Variants in FYN observed in about 807,000 individuals in gnomAD.
FYN encodes FYN proto-oncogene, Src family tyrosine kinase.
In FYN, 10 loss-of-function variants were observed where a neutral mutation model predicts 70.2. The ratio of observed to expected loss-of-function variants is 0.14; its 90% confidence interval spans 0.09 to 0.24. The LOEUF is 0.24. Ranked by LOEUF, FYN falls within the 10% of genes least tolerant of loss-of-function variation. The probability of loss-of-function intolerance (pLI) is 1.00; values close to 1 mark genes in which losing one functional copy is unlikely to be tolerated. For synonymous variants in FYN, 236 were observed against 248.6 expected (o/e 0.95, Z 0.48); for missense variants, 319 against 673.1 (o/e 0.47, Z 5.82).
chr6:111,707,145 T>A (rs1800128012), intron 6 of FYN, among the ~76,000 whole-genome samples: 1 of 152,172 alleles, frequency 6.6e-6, no homozygotes, highest in African/African-American at 2.4e-5. Context: ...ACCCAAGGTG[T>A]CAGGAGGAGG....
chr6:111,715,978 A>T (rs1278358310), intron 4 of FYN, among the ~76,000 whole-genome samples: 1 of 152,250 alleles, frequency 6.6e-6, no homozygotes, highest in Non-Finnish European at 1.5e-5. Flanking sequence ...GAAATTCCTG[A>T]TTCATAAATA....
Position 111,873,378 on chromosome 6 carries a change from T to A in FYN, c.-533A>T, listed in dbSNP as rs1197333252. 1 of 151,370 alleles carries A rather than the reference T, an allele frequency of 6.6e-6. No individual in the cohort carries two copies. The highest frequency in any genetic ancestry group is 1.5e-5 in the Non-Finnish European group (1 of 67,784). The allele number at this position is 151,370 out of a possible 1,614,324, so 9.4% of individuals were successfully genotyped here. ...GCCCCCTCCTCGCCGGCTCCGCTCC[T>A]GACAGATGGCGCAACTGCAACGACG... On this transcript the variant is annotated 5_prime_UTR_variant, in exon 1 of 14. Transcript: ENST00000354650.
rs1481967294 is a variant in FYN at position 111,807,136 on chromosome 6, A to G, written c.-81-26501T>C. 2.0e-5 allele frequency among the ~76,000 whole-genome samples: 3 copies of G among 152,164 alleles called. 1 individual carries two copies. Among genetic ancestry groups the G allele is most frequent in the Non-Finnish European group, 4.4e-5 (3 of 68,032 alleles). On this transcript the variant is annotated intron_variant, in intron 2 of 13. Transcript: ENST00000354650. ...CTTATAACAAGGGATCTACTGAGGG[A>G]TTTATTTTAACAGAGGACTTATTTA...
At chr6:111,840,170 C>A (rs1438871707) in intron 2 of FYN, among the ~76,000 whole-genome samples, 1 of 152,106 alleles carries the variant, frequency 6.6e-6, no homozygotes, top group Non-Finnish European at 1.5e-5. Flanking sequence ...TACAGAAATT[C>A]CCAAATTGAG....
At chr6:111,870,845 T>C (rs1399963122) in intron 1 of FYN, among the ~76,000 whole-genome samples, 1 of 152,236 alleles carries the variant, frequency 6.6e-6, no homozygotes, top group Non-Finnish European at 1.5e-5. Flanking sequence ...ATTAAGTCTC[T>C]TAAACTTGGT....
intron 2 of FYN, among the ~76,000 whole-genome samples, chr6:111,789,191 A>G (rs934332056): frequency 6.6e-6 from 1 of 152,224 alleles, no homozygotes; most frequent in African/African-American, 2.4e-5. Context: ...TGCCAGGTCT[A>G]GAGGGGATCA....
intron 3 of FYN, among the ~76,000 whole-genome samples, chr6:111,755,634 T>C (rs1434658907): frequency 6.6e-6 from 1 of 152,204 alleles, no homozygotes; most frequent in African/African-American, 2.4e-5. Context: ...AAACCAAGTC[T>C]CAATGCATTT....
chr6:111,817,094 AATAGATT>A (rs11278917), intron 2 of FYN, among the ~76,000 whole-genome samples: 47,261 of 151,912 alleles, frequency 0.31, 12,021 homozygotes, highest in African/African-American at 0.71. Context: ...GAGTGATTAA[AATAGATT>A]ATAGATTATA....
chr6:111,670,875 T>C (rs1360971582), intron 13 of FYN, among the ~76,000 whole-genome samples: 2 of 152,212 alleles, frequency 1.3e-5, no homozygotes, highest in South Asian at 2.1e-4. Context: ...ACTGATTTTA[T>C]GCATCAACCC....
chr6:111,726,190 C>T (rs1232176904), intron 3 of FYN, among the ~76,000 whole-genome samples: 1 of 152,194 alleles, frequency 6.6e-6, no homozygotes, highest in Non-Finnish European at 1.5e-5. Context: ...GAATCCCCTC[C>T]GTGCCTGGAT....
intron 2 of FYN, among the ~76,000 whole-genome samples, chr6:111,790,247 T>TACACAC (rs61565042): frequency 1.2e-3 from 151 of 125,952 alleles, no homozygotes; most frequent in East Asian, 2.5e-3. Flanking sequence ...GAACCTTAGA[T>TACACAC]ACACACACAC....
intron 9 of FYN, chr6:111,699,858 G>T (rs1338404635): frequency 5.1e-6 from 3 of 587,004 alleles, no homozygotes; most frequent in African/African-American, 3.8e-5. Context: ...TTTATGAATT[G>T]AGAGTCATGT....
At chr6:111,723,787 A>G (rs77675855) in intron 3 of FYN, among the ~76,000 whole-genome samples, 1,713 of 152,336 alleles carry the variant, frequency 0.011, 24 homozygotes, top group African/African-American at 0.037. Context: ...TTTAATGTCC[A>G]ATGCTGTAAG....
chr6:111,758,268 T>C (rs1353047323), intron 3 of FYN, among the ~76,000 whole-genome samples: 1 of 152,200 alleles, frequency 6.6e-6, no homozygotes, highest in Middle Eastern at 3.2e-3. Flanking sequence ...TAAAACAAAG[T>C]AGGATATAAA....
chr6:111,775,687 A>G (rs1770904073), intron 3 of FYN, among the ~76,000 whole-genome samples: 1 of 152,210 alleles, frequency 6.6e-6, no homozygotes, highest in African/African-American at 2.4e-5. Flanking sequence ...TCGTGTGCAT[A>G]AGCACCGCCT....
At chr6:111,741,862 T>C (rs1028702540) in intron 3 of FYN, among the ~76,000 whole-genome samples, 1 of 152,202 alleles carries the variant, frequency 6.6e-6, no homozygotes, top group Non-Finnish European at 1.5e-5. Context: ...ACATCAAGCC[T>C]AAGTCCTGCG....
intron 12 of FYN, among the ~76,000 whole-genome samples, chr6:111,684,508 C>A (rs1364240032): frequency 1.3e-5 from 2 of 152,132 alleles, no homozygotes; most frequent in African/African-American, 4.8e-5. Flanking sequence ...GGTATTAATC[C>A]TGGGGTTTTG....
chr6:111,718,071 C>T (rs553215375), intron 4 of FYN, among the ~76,000 whole-genome samples: 1 of 152,272 alleles, frequency 6.6e-6, no homozygotes, highest in South Asian at 2.1e-4. Flanking sequence ...GACCAGATTC[C>T]CTTCTTTAAA....
At chr6:111,700,318 G>T in intron 8 of FYN, 50 bp from the exon 9 acceptor site, 2 of 1,589,914 alleles carry the variant, frequency 1.3e-6, no homozygotes, top group South Asian at 2.2e-5. Flanking sequence ...CAGAACACAT[G>T]TAATGACAAC....
Sources: allele counts gnomAD v4.1 joint callset (sites outside exome capture counted in the v4.1 genomes callset), GRCh38; gene constraint gnomAD v4.1.1; transcripts MANE v1.5; gene names NCBI Gene and HGNC (gene_info 2026-07-23, HGNC 2026-07-21).